The following PPP1R16B variants were observed in gnomAD, a reference collection of about 807,000 sequenced individuals.
PPP1R16B encodes protein phosphatase 1 regulatory subunit 16B.
A neutral mutation model predicts 61.7 loss-of-function variants in PPP1R16B; 14 were observed. The ratio of observed to expected loss-of-function variants is 0.23; its 90% CI spans 0.15 to 0.35. PPP1R16B has a LOEUF of 0.35. Among genes scored for constraint, PPP1R16B ranks in the 10% least tolerant of loss-of-function variants. PPP1R16B has a pLI of 1.00. For missense variants in PPP1R16B, 547 were observed against 752.5 expected (o/e 0.73, Z 3.19); for synonymous variants, 266 against 305.3 (o/e 0.87, Z 1.34).
chr20:38,867,030 T>C (rs2085095175), intron 2 of PPP1R16B, among the ~76,000 whole-genome samples: 3 of 152,222 alleles, frequency 2.0e-5, no homozygotes, highest in Non-Finnish European at 2.9e-5. Context: ...TCTGGCTTCT[T>C]TCACTTGGCG....
Position 38,902,648 on chromosome 20 carries a change from T to A in PPP1R16B, c.572-20T>A. On this transcript the variant is annotated intron_variant, in intron 5 of 10. Transcript: ENST00000299824. ...CGTAGGCCTGAGGGTGCTAAATAAA[T>A]CCCCTCTTTCCCACTGCAGGCATCA... 6.2e-7 allele frequency: 1 copy of A among 1,613,918 alleles called. No homozygotes were observed.
rs1420671347 is a variant in PPP1R16B, at chr20:38,907,595, G to A, written c.899-211G>A. Among the ~76,000 whole-genome samples the A allele has an allele frequency of 6.6e-6, 1 of 152,150 alleles. No homozygotes were observed. Among genetic ancestry groups the A allele is most frequent in the Non-Finnish European group, 1.5e-5 (1 of 68,024 alleles). On this transcript the variant is annotated intron_variant, in intron 8 of 10. Transcript: ENST00000299824. The surrounding 1 kb of genome is among the most constrained non-coding windows in gnomAD (Gnocchi z 4.5). ...GCTGGGAAGCTTAGGAATTGTGACT[G>A]TGCCCAGAACCTGGGTTTCCCATTC...
intron 1 of PPP1R16B, among the ~76,000 whole-genome samples, chr20:38,827,099 G>A (rs111784864): frequency 0.074 from 11,316 of 152,076 alleles, 441 homozygotes; most frequent in Admixed American, 0.11. Flanking sequence ...AGAGGCACAC[G>A]CCACCACACC....
chr20:38,846,560 C>G (rs542171867), intron 2 of PPP1R16B, among the ~76,000 whole-genome samples: 1 of 152,192 alleles, frequency 6.6e-6, no homozygotes, highest in Non-Finnish European at 1.5e-5. Flanking sequence ...TTTATATACT[C>G]TTTGGAAAAA....
At chr20:38,817,817 G>T (rs1404195808) in intron 1 of PPP1R16B, among the ~76,000 whole-genome samples, 1 of 152,146 alleles carries the variant, frequency 6.6e-6, no homozygotes, top group Non-Finnish European at 1.5e-5. Flanking sequence ...GGCCGAGGCG[G>T]GCGGATCACG....
intron 4 of PPP1R16B, among the ~76,000 whole-genome samples, chr20:38,895,936 CTT>C (rs2085337267): frequency 1.1e-5 from 1 of 89,944 alleles, no homozygotes; most frequent in Non-Finnish European, 2.1e-5. Flanking sequence ...CTCCTTCCTT[CTT>C]TCTTCCCTCC....
chr20:38,869,175 T>G (rs2145743173), intron 2 of PPP1R16B, among the ~76,000 whole-genome samples: 1 of 152,240 alleles, frequency 6.6e-6, no homozygotes, highest in East Asian at 1.9e-4. Context: ...ATTTATTTAT[T>G]TTTGAGACAG....
At chr20:38,913,795 G>C (rs7272394) in intron 10 of PPP1R16B, among the ~76,000 whole-genome samples, 2 of 152,112 alleles carry the variant, frequency 1.3e-5, no homozygotes, top group African/African-American at 2.4e-5. Flanking sequence ...TTTCCAGAAC[G>C]GTCTTCAGGA....
intron 2 of PPP1R16B, among the ~76,000 whole-genome samples, chr20:38,880,208 A>G (rs2085195085): frequency 6.6e-6 from 1 of 152,054 alleles, no homozygotes; most frequent in Non-Finnish European, 1.5e-5. Context: ...ATACATAACT[A>G]TAAAATAGTG....
intron 4 of PPP1R16B, among the ~76,000 whole-genome samples, chr20:38,900,009 G>A (rs948307104): frequency 2.0e-5 from 3 of 152,036 alleles, no homozygotes; most frequent in Non-Finnish European, 4.4e-5. Context: ...GGCTAGGCTG[G>A]TCTCGAACTC....
chr20:38,835,075 T>G (rs2084860941), intron 1 of PPP1R16B, among the ~76,000 whole-genome samples: 2 of 152,220 alleles, frequency 1.3e-5, no homozygotes, highest in Non-Finnish European at 2.9e-5. Context: ...GAAAATAGTT[T>G]TGACCTATGG....
chr20:38,881,816 A>G (rs1215975138), intron 2 of PPP1R16B, among the ~76,000 whole-genome samples: 2 of 152,154 alleles, frequency 1.3e-5, no homozygotes, highest in African/African-American at 4.8e-5. Flanking sequence ...TCTTCATGAT[A>G]ACATCTGTGT....
At chr20:38,885,264 CA>C (rs1011201763) in intron 2 of PPP1R16B, among the ~76,000 whole-genome samples, 2 of 151,994 alleles carry the variant, frequency 1.3e-5, no homozygotes. Context: ...AGGTTTTAAG[CA>C]GGGAGTCAGG....
At chr20:38,820,681 T>G (rs1470800591) in intron 1 of PPP1R16B, among the ~76,000 whole-genome samples, 1 of 152,066 alleles carries the variant, frequency 6.6e-6, no homozygotes, top group African/African-American at 2.4e-5. Flanking sequence ...GTTGTACCAA[T>G]TTATATTCCC....
intron 2 of PPP1R16B, among the ~76,000 whole-genome samples, chr20:38,868,551 GT>G (rs2085105327): frequency 6.6e-6 from 1 of 151,978 alleles, no homozygotes; most frequent in Non-Finnish European, 1.5e-5. Flanking sequence ...CGCCTGGCTA[GT>G]TTTTGTTTTT....
chr20:38,849,212 T>C (rs2084952450), intron 2 of PPP1R16B, among the ~76,000 whole-genome samples: 1 of 152,208 alleles, frequency 6.6e-6, no homozygotes, highest in Non-Finnish European at 1.5e-5. Flanking sequence ...CAAGCGAATT[T>C]ACTGAATTCA....
chr20:38,845,826 G>A (rs963608393), intron 2 of PPP1R16B, among the ~76,000 whole-genome samples: 1 of 152,180 alleles, frequency 6.6e-6, no homozygotes, highest in Non-Finnish European at 1.5e-5. Context: ...TTTTGAATTC[G>A]GGATGGATTT....
At position 38,823,892 on chromosome 20, in the gene PPP1R16B, C is replaced by A. The variant is rs143743723; in HGVS notation, c.-101-11933C>A. On this transcript the variant is annotated intron_variant, in intron 1 of 10. Coordinates refer to ENST00000299824, the MANE Select transcript of PPP1R16B (RefSeq NM_015568.4). ...TTCAAGGACTCCTCTTACCGTCATGCCTCCGTGGCTCATCTTTCCTGTCTG... is the reference window on the plus strand; with the variant it reads ...TTCAAGGACTCCTCTTACCGTCATGACTCCGTGGCTCATCTTTCCTGTCTG... Among the ~76,000 whole-genome samples, 39 of 152,270 alleles carry A rather than the reference C, an allele frequency of 2.6e-4. No individual in the cohort carries two copies. In the East Asian group the frequency reaches 7.1e-3, roughly 28 times the overall value.
intron 2 of PPP1R16B, among the ~76,000 whole-genome samples, chr20:38,844,810 A>G (rs904168790): frequency 2.0e-5 from 3 of 152,234 alleles, no homozygotes; most frequent in African/African-American, 4.8e-5. Context: ...ATGTCAACAC[A>G]GTGGAAAATG....
Sources: gnomAD v4.1 joint callset for allele counts (sites outside exome capture counted in the v4.1 genomes callset) on GRCh38, gnomAD v4.1.1 for gene constraint, Gnocchi (gnomAD v3.1) non-coding constraint, MANE v1.5 for transcripts, NCBI Gene and HGNC (gene_info 2026-07-23, HGNC 2026-07-21) for gene names.